GRIN2A: variants seen among roughly 807,000 people sequenced by gnomAD.
GRIN2A encodes glutamate ionotropic receptor NMDA type subunit 2A, also known as glutamate receptor ionotropic, NMDA 2A.
Under a neutral mutation model 113.4 loss-of-function variants are expected in GRIN2A, and 22 were observed. The ratio of observed to expected loss-of-function variants is 0.19; its 90% confidence interval spans 0.14 to 0.28. The LOEUF (loss-of-function observed/expected upper bound fraction) is 0.28, where lower values mean the gene tolerates loss of function less well. Ranked by LOEUF, GRIN2A falls within the 10% of genes least tolerant of loss-of-function variation. The pLI, the probability that GRIN2A is intolerant of heterozygous loss-of-function variation, is 1.00. For synonymous variants in GRIN2A, 827 were observed against 738.4 expected (o/e 1.12, Z -1.94); for missense variants, 1,502 against 1,887.0 (o/e 0.80, Z 3.78).
chr16:10,179,563 A>G (rs552259004), intron 2 of GRIN2A: 11 of 209,804 alleles, frequency 5.2e-5, no homozygotes, highest in Non-Finnish European at 8.8e-5. Flanking sequence ...GTCACTTACC[A>G]TAAGAGGAAA....
chr16:9,982,513 A>G (rs72772172), intron 2 of GRIN2A, among the ~76,000 whole-genome samples: 18,692 of 152,244 alleles, frequency 0.12, 1,320 homozygotes, highest in African/African-American at 0.16. Flanking sequence ...AACTGATACA[A>G]GAAGGGCAGA....
rs554244256 is a variant in GRIN2A at position 9,861,604 on chromosome 16, C to T, written c.1123-11643G>A. Among the ~76,000 whole-genome samples, 3 of 152,346 alleles carry T rather than the reference C, an allele frequency of 2.0e-5. No homozygotes were observed. In the East Asian group the frequency reaches 5.8e-4, roughly 29 times the overall value. The stretch of plus-strand genomic sequence containing the variant: ...CTGCTGTGGCTTGATATTAGGTTGA[C>T]ATATGCTGTATCTGGAGGACTTTGC... On this transcript the variant is annotated intron_variant, in intron 4 of 12. Transcript: ENST00000330684.
Position 9,840,813 on chromosome 16 carries a change from CAAAAA to C in GRIN2A, c.1498-18_1498-14del, listed in dbSNP as rs745951746. 2,997 of 1,072,812 alleles carry C rather than the reference CAAAAA, an allele frequency of 2.8e-3. No homozygotes were observed. The highest frequency in any genetic ancestry group is 3.2e-3 in the Non-Finnish European group (2,598 of 808,886). The allele number at this position is 1,072,812 out of a possible 1,614,324, so 66.5% of individuals were successfully genotyped here. A position where few individuals can be genotyped will look rare whatever the true frequency, so the allele number is the denominator to read the frequency against. On this transcript the variant is annotated splice_polypyrimidine_tract_variant and intron_variant, in intron 6 of 12. Transcript: ENST00000330684. ...GTTGATAGACCACCTGGATGCAAGGCAAAAAAAAAAAAAAAAAAAAGAGAGAGAGA... is the reference window on the plus strand; with the variant it reads ...GTTGATAGACCACCTGGATGCAAGGCAAAAAAAAAAAAAAAGAGAGAGAGA...
rs1054285065 is a variant in GRIN2A, at chr16:10,106,200, G to A, written c.414+73798C>T. 2.2e-5 allele frequency among the ~76,000 whole-genome samples: 3 copies of A among 139,460 alleles called. No individual in the cohort carries two copies. The East Asian group carries it at 6.3e-4, about 29-fold the overall frequency. The allele number at this position is 139,460 out of a possible 152,430, so 91.5% of individuals were successfully genotyped here. On this transcript the variant is annotated intron_variant, in intron 2 of 12. Transcript: ENST00000330684. Reference sequence around the variant, plus strand: ...ATAAGTGAAAGAGTTTTTTTTTTTTGTTTGGGGAAGTGTTTTTTTTTTTCT... The same window carrying A: ...ATAAGTGAAAGAGTTTTTTTTTTTTATTTGGGGAAGTGTTTTTTTTTTTCT...
chr16:10,105,722 C>A (rs1283688608), intron 2 of GRIN2A, among the ~76,000 whole-genome samples: 1 of 152,024 alleles, frequency 6.6e-6, no homozygotes, highest in African/African-American at 2.4e-5. Context: ...GCCTGGCCAA[C>A]ACGGTGAAAC....
intron 10 of GRIN2A, among the ~76,000 whole-genome samples, chr16:9,811,078 T>C (rs1249418685): frequency 2.0e-5 from 3 of 152,156 alleles, no homozygotes; most frequent in African/African-American, 7.2e-5. Flanking sequence ...TTTTAGCACC[T>C]GGGTCAGTGG....
chr16:10,101,360 A>T (rs2048390261), intron 2 of GRIN2A, among the ~76,000 whole-genome samples: 1 of 152,210 alleles, frequency 6.6e-6, no homozygotes. Flanking sequence ...ACAGAAACTA[A>T]AAGCCACAAC....
At chr16:9,973,450 A>G (rs2045713619) in intron 2 of GRIN2A, among the ~76,000 whole-genome samples, 1 of 152,178 alleles carries the variant, frequency 6.6e-6, no homozygotes, top group African/African-American at 2.4e-5. Flanking sequence ...CTCAGTTATA[A>G]TTTTTGCAAA....
In GRIN2A at chr16:9,854,000, C is replaced by G. The variant is rs189238034; in HGVS notation, c.1123-4039G>C. On this transcript the variant is annotated intron_variant, in intron 4 of 12. Transcript: ENST00000330684. The stretch of plus-strand genomic sequence containing the variant: ...TCTATGTGTTTATGTATATGTTTTA[C>G]TTATGAGACTATGATTTCCCAGTCT... 4.8e-3 allele frequency among the ~76,000 whole-genome samples: 738 copies of G among 152,220 alleles called. 7 individuals are homozygous for G. The highest frequency in any genetic ancestry group is 0.017 in the African/African-American group (713 of 41,524).
At chr16:9,803,388 C>T (rs1179866061) in intron 10 of GRIN2A, among the ~76,000 whole-genome samples, 1 of 151,476 alleles carries the variant, frequency 6.6e-6, no homozygotes, top group Non-Finnish European at 1.5e-5. Flanking sequence ...GCACTCCAGC[C>T]TGGGCAACAA....
At chr16:9,847,393 A>C (rs2042791242) in intron 5 of GRIN2A, among the ~76,000 whole-genome samples, 1 of 146,950 alleles carries the variant, frequency 6.8e-6, no homozygotes, top group Admixed American at 6.8e-5. Context: ...TCTTGTCTCT[A>C]AAAAAAAAAA....
chr16:9,996,221 G>C (rs138847322), intron 2 of GRIN2A, among the ~76,000 whole-genome samples: 2 of 152,162 alleles, frequency 1.3e-5, no homozygotes, highest in African/African-American at 4.8e-5. Flanking sequence ...ACAGAGTTAC[G>C]TAGGGTGGAA....
intron 2 of GRIN2A, among the ~76,000 whole-genome samples, chr16:9,973,461 G>A (rs994901332): frequency 2.0e-5 from 3 of 152,124 alleles, no homozygotes; most frequent in Non-Finnish European, 4.4e-5. Flanking sequence ...TTTTTGCAAA[G>A]GTGGTTTCAA....
chr16:10,159,557 A>T (rs1596564353), intron 2 of GRIN2A, among the ~76,000 whole-genome samples: 2 of 152,268 alleles, frequency 1.3e-5, no homozygotes, highest in Non-Finnish European at 2.9e-5. Flanking sequence ...GATCATCATC[A>T]ATGAGGCTGG....
chr16:9,925,266 C>G (rs2044438500), intron 3 of GRIN2A, among the ~76,000 whole-genome samples: 1 of 152,240 alleles, frequency 6.6e-6, no homozygotes, highest in Non-Finnish European at 1.5e-5. Context: ...CAACCCCCTT[C>G]TGTGTACTCA....
At chr16:9,802,669 G>C (rs1037739601) in intron 10 of GRIN2A, among the ~76,000 whole-genome samples, 1 of 152,142 alleles carries the variant, frequency 6.6e-6, no homozygotes, top group Non-Finnish European at 1.5e-5. Context: ...CCTGGGGCTT[G>C]TTGGTGATAT....
At chr16:9,799,634 C>T (rs1279855744) in intron 10 of GRIN2A, among the ~76,000 whole-genome samples, 2 of 152,192 alleles carry the variant, frequency 1.3e-5, no homozygotes, top group Non-Finnish European at 2.9e-5. Flanking sequence ...GGTCCACGGG[C>T]TGTAGTTTGC....
intron 11 of GRIN2A, among the ~76,000 whole-genome samples, chr16:9,771,325 A>G (rs1487057024): frequency 6.6e-6 from 1 of 151,408 alleles, no homozygotes; most frequent in African/African-American, 2.4e-5. Context: ...GGTAATTTCC[A>G]ATAGATGTAT....
chr16:10,072,451 C>G (rs893326401), intron 2 of GRIN2A, among the ~76,000 whole-genome samples: 3 of 152,198 alleles, frequency 2.0e-5, no homozygotes, highest in Admixed American at 2.0e-4. Flanking sequence ...ACCCAAGGAG[C>G]TTTAAAAACT....
Sources: allele counts gnomAD v4.1 joint callset (sites outside exome capture counted in the v4.1 genomes callset), GRCh38; gene constraint gnomAD v4.1.1; transcripts MANE v1.5; gene names NCBI Gene and HGNC (gene_info 2026-07-23, HGNC 2026-07-21).